Variants in PBXIP1 observed in about 807,000 individuals in gnomAD.
PBXIP1 encodes the protein PBX homeobox interacting protein 1.
A neutral mutation model predicts 73.7 loss-of-function variants in PBXIP1; 73 were observed. The observed-to-expected ratio is 0.99, with a 90% CI of 0.82 to 1.20. The LOEUF is 1.20. PBXIP1 is among the 50% of genes most tolerant of loss of function. The pLI is 0.00. For missense variants in PBXIP1, 818 were observed against 911.4 expected (o/e 0.90, Z 1.32); for synonymous variants, 330 against 366.9 (o/e 0.90, Z 1.15).
intron 5 of PBXIP1, among the ~76,000 whole-genome samples, chr1:154,949,861 TG>T (rs1558039637): frequency 6.6e-6 from 1 of 151,932 alleles, no homozygotes; most frequent in African/African-American, 2.4e-5. Flanking sequence ...ACATTCCTTT[TG>T]GGGGAGGATG....
At chr1:154,953,985 C>A (rs1655093160) in intron 1 of PBXIP1, among the ~76,000 whole-genome samples, 1 of 152,182 alleles carries the variant, frequency 6.6e-6, no homozygotes, top group Non-Finnish European at 1.5e-5. Context: ...CAGGGACCAA[C>A]AGGGCCTTGG....
At position 154,944,992 on chromosome 1, in the gene PBXIP1, CA is replaced by C. The variant is rs756381276; in HGVS notation, c.*31del. On this transcript the variant is annotated 3_prime_UTR_variant, in exon 11 of 11. Coordinates refer to ENST00000368463, the MANE Select transcript of PBXIP1 (RefSeq NM_020524.4). Reference sequence around the variant, plus strand: ...ATAACGCTGGGATCTTGGGCTGGGCCAGGCCAAGGCCATTCCCTGTGGGGCA... The same window carrying C: ...ATAACGCTGGGATCTTGGGCTGGGCCGGCCAAGGCCATTCCCTGTGGGGCA... The C allele has an allele frequency of 6.3e-7, 1 of 1,575,542 alleles. No individual in the cohort carries two copies. Among genetic ancestry groups the C allele is most frequent in the Non-Finnish European group, 8.7e-7 (1 of 1,145,592 alleles).
intron 1 of PBXIP1, 102 bp from the exon 2 acceptor site, chr1:154,953,859 G>T: frequency 1.5e-6 from 1 of 684,806 alleles, no homozygotes; most frequent in Non-Finnish European, 2.5e-6. Flanking sequence ...CTGGGCAGCA[G>T]CCTCCAGAAC....
At position 154,946,017 on chromosome 1, in the gene PBXIP1, C is replaced by T; in HGVS notation, c.1657G>A (p.Glu553Lys). The T allele has an allele frequency of 6.2e-7, 1 of 1,614,180 alleles. No individual in the cohort carries two copies. The highest frequency in any genetic ancestry group is 2.2e-5 in the East Asian group (1 of 44,886). The change falls in exon 10 of 11, where the codon GAA (glutamate) becomes AAA (lysine). Residue 553 changes from glutamate to lysine, a missense_variant. Transcript: ENST00000368463. Reference sequence around the variant, plus strand: ...CTCCACCGAGGTTGCTTCTGCTTTTCTCCAGAGGAGTGGAAGCTACCACTT... The same window carrying T: ...CTCCACCGAGGTTGCTTCTGCTTTTTTCCAGAGGAGTGGAAGCTACCACTT... ...RKSGSFHSSG[E>K]KQKQPRWREG...
rs1654992360 is a variant in PBXIP1, at chr1:154,951,187, AC to A, written c.409+44del. ...TAGTGATGGCTGATCCCTCTCCCAT[AC>A]CTTCTAGAAGGAGAGTGACAGGAGA... On this transcript the variant is annotated intron_variant, in intron 5 of 10. Coordinates refer to ENST00000368463, the MANE Select transcript of PBXIP1 (RefSeq NM_020524.4). This position sits in a 1 kb window ranked among gnomAD's most constrained non-coding sequence, Gnocchi z 4.3. 3 of 1,570,298 alleles carry A rather than the reference AC, an allele frequency of 1.9e-6. No individual in the cohort carries two copies. Among genetic ancestry groups the A allele is most frequent in the Admixed American group, 3.3e-5 (2 of 59,786 alleles).
chr1:154,947,785 C>A, intron 7 of PBXIP1, 73 bp from the exon 8 acceptor site: 1 of 1,496,774 alleles, frequency 6.7e-7, no homozygotes, highest in Admixed American at 1.7e-5. Context: ...TTCCCATTCA[C>A]ACAGCCACCA....
Position 154,945,866 on chromosome 1 carries a change from A to G in PBXIP1, c.1808T>C (p.Phe603Ser). 2 of 1,614,122 alleles carry G rather than the reference A, an allele frequency of 1.2e-6. No homozygotes were observed. The highest frequency in any genetic ancestry group is 1.1e-5 in the South Asian group (1 of 91,080). ...CCGCACTGGGGCTAGCTCTGTGCCAAAGAAAGTCAGGCCCTCCTGCCGGGC... is the reference window on the plus strand; with the variant it reads ...CCGCACTGGGGCTAGCTCTGTGCCAGAGAAAGTCAGGCCCTCCTGCCGGGC... The part of the protein sequence containing the change: ...ECARQEGLTF[F>S]GTELAPVRQQ... Residue 603 changes from phenylalanine to serine, a missense_variant, in exon 10 of 11, where the codon TTT becomes TCT. Coordinates refer to ENST00000368463, the MANE Select transcript of PBXIP1 (RefSeq NM_020524.4).
At chr1:154,947,774 C>T (rs1315774477) in intron 7 of PBXIP1, 62 bp from the exon 8 acceptor site, 32 of 1,539,252 alleles carry the variant, frequency 2.1e-5, no homozygotes, top group Non-Finnish European at 2.8e-5. Flanking sequence ...CTCCCCACAC[C>T]TTCCCATTCA....
chr1:154,945,995 C>T lies in PBXIP1; in HGVS notation c.1679G>A (p.Trp560Ter). 2 of 1,614,076 alleles carry T rather than the reference C, an allele frequency of 1.2e-6. No homozygotes were observed. Among genetic ancestry groups the T allele is most frequent in the East Asian group, 2.2e-5 (1 of 44,884 alleles). ...SSGEKQKQPRWREGTKDSHDP... is the reference protein window; with the variant it reads ...SSGEKQKQPR ...ATGGCTGTCCTTAGTCCCTTCCCTC[C>T]ACCGAGGTTGCTTCTGCTTTTCTCC... The change falls in exon 10 of 11, where the codon TGG (tryptophan) becomes TAG (stop). Residue 560 changes from tryptophan to a stop codon, truncating the protein, a stop_gained. Transcript: ENST00000368463. LOFTEE classifies it high-confidence loss of function.
rs1183343676 is a variant in PBXIP1, at chr1:154,946,681, C to T, written c.993G>A (p.Leu331=). ...CCTGGAGCCGGGCCCGCAGCTGCTG[C>T]AGCTCTGACTCCAGAGCCCGCTGGA... ...EAFQRALESE[L]QQLRARLQGL... is the part of the protein sequence containing the mutation. Residue 331 remains leucine, a synonymous_variant, in exon 10 of 11, where the codon CTG becomes CTA. Transcript: ENST00000368463. 6.2e-7 allele frequency: 1 copy of T among 1,613,018 alleles called. No homozygotes were observed. Among genetic ancestry groups the T allele is most frequent in the East Asian group, 2.2e-5 (1 of 44,856 alleles).
chr1:154,947,564 C>T lies in PBXIP1; in HGVS notation c.739-16G>A. 6.2e-7 allele frequency: 1 copy of T among 1,602,218 alleles called. No individual in the cohort carries two copies. The highest frequency in any genetic ancestry group is 1.1e-5 in the South Asian group (1 of 89,604). On this transcript the variant is annotated splice_polypyrimidine_tract_variant and intron_variant, in intron 8 of 10. Transcript: ENST00000368463. ...TTAGCCCATCCTGAGGGCAGAAGAG[C>T]CTGTTATGCCATGCTACCCCACAGC...
intron 1 of PBXIP1, among the ~76,000 whole-genome samples, chr1:154,955,188 C>A (rs1655138264): frequency 6.6e-6 from 1 of 152,184 alleles, no homozygotes; most frequent in African/African-American, 2.4e-5. Flanking sequence ...CTGTAAGTAT[C>A]CATAGAGCCA....
chr1:154,951,138 G>A lies in PBXIP1; in HGVS notation c.409+94C>T, dbSNP rs772456742. 5.9e-6 allele frequency: 7 copies of A among 1,185,568 alleles called. No homozygotes were observed. Among genetic ancestry groups the A allele is most frequent in the Non-Finnish European group, 8.6e-6 (7 of 813,772 alleles). The allele number at this position is 1,185,568 out of a possible 1,614,324, so 73.4% of individuals were successfully genotyped here. On this transcript the variant is annotated intron_variant, in intron 5 of 10. Coordinates refer to ENST00000368463, the MANE Select transcript of PBXIP1 (RefSeq NM_020524.4). This position sits in a 1 kb window ranked among gnomAD's most constrained non-coding sequence, Gnocchi z 4.3. ...GAGCACCAAGCTGCTCAGCCCTAGG[G>A]CCTGGACCACAGCATGTGCTCAGTA...
rs373935138 is a variant in PBXIP1, at chr1:154,951,746, T to C, written c.178+49A>G. On this transcript the variant is annotated intron_variant, in intron 3 of 10. Transcript: ENST00000368463. This position sits in a 1 kb window ranked among gnomAD's most constrained non-coding sequence, Gnocchi z 4.3. ...GAGGAAACTGAGAAACCCCAAAATA[T>C]GGAGAATAGCTTTGTCCGGTAAGCT... 8 of 1,596,358 alleles carry C rather than the reference T, an allele frequency of 5.0e-6. No individual in the cohort carries two copies. The African/African-American group carries it at 9.5e-5, about 19-fold the overall frequency.
In PBXIP1 at chr1:154,951,945, AG is replaced by A. The variant is rs779041402; in HGVS notation, c.52-25del. 2.6e-5 allele frequency: 41 copies of A among 1,587,292 alleles called. No homozygotes were observed. The highest frequency in any genetic ancestry group is 3.3e-5 in the Non-Finnish European group (39 of 1,171,912). On this transcript the variant is annotated intron_variant, in intron 2 of 10. Coordinates refer to ENST00000368463, the MANE Select transcript of PBXIP1 (RefSeq NM_020524.4). This position sits in a 1 kb window ranked among gnomAD's most constrained non-coding sequence, Gnocchi z 4.3. ...CTCTGGGAGGAGAAGTGCAAGGAGA[AG>A]GGCTGCACCCAAGAATGGGGCCCCA...
intron 1 of PBXIP1, among the ~76,000 whole-genome samples, chr1:154,955,638 G>C (rs1208268156): frequency 1.3e-5 from 2 of 152,014 alleles, no homozygotes; most frequent in Non-Finnish European, 2.9e-5. Flanking sequence ...TGTGTTTCCA[G>C]ATCTTTTTCT....
In PBXIP1 at chr1:154,946,073, T is replaced by G. The variant is rs1654800249; in HGVS notation, c.1601A>C (p.Lys534Thr). 6.2e-7 allele frequency: 1 copy of G among 1,614,010 alleles called. No homozygotes were observed. Among genetic ancestry groups the G allele is most frequent in the Admixed American group, 1.7e-5 (1 of 59,988 alleles). Residue 534 changes from lysine to threonine, a missense_variant, in exon 10 of 11, where the codon AAG becomes ACG. Transcript: ENST00000368463. The part of the protein sequence containing the change: ...VEESGSKKEG[K>T]RQGPKEPPRK... Reference sequence around the variant, plus strand: ...TGGGGGTTCCTTCGGGCCCTGTCGCTTGCCCTCCTTCTTGCTCCCCGACTC... The same window carrying G: ...TGGGGGTTCCTTCGGGCCCTGTCGCGTGCCCTCCTTCTTGCTCCCCGACTC...
chr1:154,947,185 G>C, intron 9 of PBXIP1: 3 of 615,764 alleles, frequency 4.9e-6, no homozygotes. Context: ...ATCAATCACA[G>C]GTGATACCAT....
chr1:154,946,529 T>C lies in PBXIP1; in HGVS notation c.1145A>G (p.Lys382Arg), dbSNP rs781532191. ...CTCAGCCTCCAGCTGTTCCTTCTGC[T>C]TCAGGAAGCTGAGTTCTGGCTCCTG... ...REQEPELSFLKQKEQLEAEAQ... is the reference protein window; with the variant it reads ...REQEPELSFLRQKEQLEAEAQ... The change falls in exon 10 of 11, where the codon AAG becomes AGG. Residue 382 changes from lysine to arginine, a missense_variant. Transcript: ENST00000368463. 3 of 1,611,442 alleles carry C rather than the reference T, an allele frequency of 1.9e-6. No individual in the cohort carries two copies. The South Asian group carries it at 3.3e-5, about 18-fold the overall frequency.
Sources: gnomAD v4.1 joint callset for allele counts (sites outside exome capture counted in the v4.1 genomes callset) on GRCh38, gnomAD v4.1.1 for gene constraint, Gnocchi (gnomAD v3.1) non-coding constraint, MANE v1.5 for transcripts, NCBI Gene and HGNC (gene_info 2026-07-23, HGNC 2026-07-21) for gene names.